The following STRBP variants were observed in gnomAD, a reference collection of about 807,000 sequenced individuals.
The protein encoded by STRBP is spermatid perinuclear RNA-binding protein.
In STRBP, 13 loss-of-function variants were observed where a neutral mutation model predicts 80.1. The observed-to-expected ratio is 0.16, with a 90% CI of 0.11 to 0.26. STRBP has a LOEUF of 0.26. STRBP is among the 10% of genes least tolerant of loss of function. The pLI is 1.00. For missense variants in STRBP, 485 were observed against 815.2 expected (o/e 0.59, Z 4.93); for synonymous variants, 284 against 291.2 (o/e 0.98, Z 0.25).
At chr9:123,258,346 A>C (rs1030373454) in intron 1 of STRBP, among the ~76,000 whole-genome samples, 2 of 152,212 alleles carry the variant, frequency 1.3e-5, no homozygotes, top group African/African-American at 2.4e-5. Context: ...GGTAAGGAGA[A>C]CCAGAAATGG....
At chr9:123,158,528 GAAAA>G (rs142605162) in intron 9 of STRBP, 99 bp from the exon 10 acceptor site, 1 of 879,810 alleles carries the variant, frequency 1.1e-6, no homozygotes, top group Admixed American at 2.8e-5. Flanking sequence ...AAGAGAAAAT[GAAAA>G]AAAAAACTGA....
rs150624298 is a variant in STRBP, at chr9:123,136,438, G to A, written c.1575C>T (p.Leu525=). ...VMELNEKRRG[L]KYELISETGG... ...CAGTCTCTGAGATGAGTTCATACTT[G>A]AGACCTCTTCTTTTTTCATTGAGCT... Residue 525 remains leucine (L), a synonymous_variant, in exon 15 of 19, where the codon CTC becomes CTT. Coordinates refer to ENST00000348403, the MANE Select transcript of STRBP (RefSeq NM_018387.5). This position sits in a 1 kb window ranked among gnomAD's most constrained non-coding sequence, Gnocchi z 4.2. 2 of 1,613,990 alleles carry A rather than the reference G, an allele frequency of 1.2e-6. No individual in the cohort carries two copies. The highest frequency in any genetic ancestry group is 1.3e-5 in the African/African-American group (1 of 74,898).
At chr9:123,118,196 A>C (rs2035676528), downstream of STRBP, among the ~76,000 whole-genome samples, 2 of 152,190 alleles carry the variant, frequency 1.3e-5, no homozygotes, top group South Asian at 4.1e-4. Context: ...ATTGCCAGAA[A>C]GGTAGCTGGA....
intron 2 of STRBP, among the ~76,000 whole-genome samples, chr9:123,205,922 T>TA (rs1450187135): frequency 6.6e-6 from 1 of 152,216 alleles, no homozygotes; most frequent in Non-Finnish European, 1.5e-5. Flanking sequence ...AGATTAGTAC[T>TA]ACTGATATTT....
At chr9:123,179,340 CAGTT>C in intron 3 of STRBP, 113 bp from the exon 4 acceptor site, 1 of 866,968 alleles carries the variant, frequency 1.2e-6, no homozygotes. Flanking sequence ...TACTGTGAAA[CAGTT>C]AATACTGAAA....
At chr9:123,192,672 AT>A (rs1163923766) in intron 2 of STRBP, among the ~76,000 whole-genome samples, 1 of 152,220 alleles carries the variant, frequency 6.6e-6, no homozygotes, top group African/African-American at 2.4e-5. Context: ...CAGATATCTA[AT>A]AATTCAAGGA....
chr9:123,137,252 CAAAT>C (rs1476931289), intron 14 of STRBP, among the ~76,000 whole-genome samples: 10 of 152,120 alleles, frequency 6.6e-5, no homozygotes, highest in East Asian at 1.9e-4. Flanking sequence ...AGCAAACTAA[CAAAT>C]AAACCCACAA....
At chr9:123,241,910 C>A (rs1324764758) in intron 1 of STRBP, among the ~76,000 whole-genome samples, 1 of 152,212 alleles carries the variant, frequency 6.6e-6, no homozygotes, top group African/African-American at 2.4e-5. Flanking sequence ...CCCAGGTGAT[C>A]TGGCCCCTGC....
chr9:123,176,382 G>T (rs1179008021), intron 4 of STRBP, among the ~76,000 whole-genome samples: 3 of 152,184 alleles, frequency 2.0e-5, no homozygotes, highest in Non-Finnish European at 2.9e-5. Context: ...TAGATGCTAA[G>T]AAAACTGGAT....
intron 12 of STRBP, 30 bp from the exon 13 acceptor site, chr9:123,147,084 A>G: frequency 6.3e-7 from 1 of 1,580,770 alleles, no homozygotes. Flanking sequence ...GAGGTCAGAA[A>G]TTAACTAGAA....
At chr9:123,238,792 A>G (rs1028141868) in intron 1 of STRBP, among the ~76,000 whole-genome samples, 2 of 152,206 alleles carry the variant, frequency 1.3e-5, no homozygotes, top group Non-Finnish European at 2.9e-5. Flanking sequence ...TTTTACACAC[A>G]AAAGAGAAAA....
intron 3 of STRBP, chr9:123,114,076 G>A (rs568659651): frequency 6.0e-6 from 1 of 167,224 alleles, no homozygotes; most frequent in South Asian, 2.1e-4. Context: ...GATTAACAGT[G>A]AAGGCTGCTT....
intron 2 of STRBP, among the ~76,000 whole-genome samples, chr9:123,213,146 T>C (rs2039770886): frequency 6.6e-6 from 1 of 152,206 alleles, no homozygotes; most frequent in South Asian, 2.1e-4. Flanking sequence ...CTAACAGTCA[T>C]GGTAGTAGTT....
chr9:123,211,888 A>T (rs1428772205), intron 2 of STRBP, among the ~76,000 whole-genome samples: 3 of 152,156 alleles, frequency 2.0e-5, no homozygotes, highest in Non-Finnish European at 4.4e-5. Context: ...TTTGCTACAT[A>T]CTAGAAAGAG....
intron 4 of STRBP, among the ~76,000 whole-genome samples, chr9:123,174,124 T>G (rs1046320012): frequency 6.6e-6 from 1 of 152,252 alleles, no homozygotes; most frequent in African/African-American, 2.4e-5. Context: ...CTTAAATATT[T>G]TTTCAAATTG....
chr9:123,142,494 C>G (rs2036631014), intron 13 of STRBP, among the ~76,000 whole-genome samples: 1 of 152,292 alleles, frequency 6.6e-6, no homozygotes, highest in Admixed American at 6.5e-5. Flanking sequence ...CAAGAATGGA[C>G]TAATACGTCC....
chr9:123,244,820 TGGAA>T (rs2040766673), intron 1 of STRBP, among the ~76,000 whole-genome samples: 1 of 152,146 alleles, frequency 6.6e-6, no homozygotes, highest in African/African-American at 2.4e-5. Context: ...CCCAAAGAAA[TGGAA>T]AATTATGACC....
chr9:123,158,735 G>A (rs1423312193), intron 9 of STRBP, among the ~76,000 whole-genome samples: 3 of 152,034 alleles, frequency 2.0e-5, no homozygotes, highest in Non-Finnish European at 2.9e-5. Context: ...GATTACATAT[G>A]GAAAATAAGA....
At position 123,157,992 on chromosome 9, in the gene STRBP, TA is replaced by T; in HGVS notation, c.1045+19del. The T allele has an allele frequency of 6.3e-7, 1 of 1,584,440 alleles. No homozygotes were observed. Among genetic ancestry groups the T allele is most frequent in the Non-Finnish European group, 8.7e-7 (1 of 1,154,176 alleles). On this transcript the variant is annotated intron_variant, in intron 11 of 18. Transcript: ENST00000348403. Reference sequence around the variant, plus strand: ...TACCAGTGCCAACCCCCAACCCTAATAAAAAACTTCCATGCTCACCTTCTTT... The same window carrying T: ...TACCAGTGCCAACCCCCAACCCTAATAAAAACTTCCATGCTCACCTTCTTT...
Sources: gnomAD v4.1 joint callset for allele counts (sites outside exome capture counted in the v4.1 genomes callset) on GRCh38, gnomAD v4.1.1 for gene constraint, Gnocchi (gnomAD v3.1) non-coding constraint, MANE v1.5 for transcripts, NCBI Gene and HGNC (gene_info 2026-07-23, HGNC 2026-07-21) for gene names.